ZMAT4: variants seen among roughly 807,000 people sequenced by gnomAD.
ZMAT4 encodes the protein zinc finger matrin-type protein 4.
A neutral mutation model predicts 28.7 loss-of-function variants in ZMAT4; 17 were observed. The ratio of observed to expected loss-of-function variants is 0.59; its 90% CI spans 0.41 to 0.89. ZMAT4 has a LOEUF of 0.89. Among genes scored for constraint, ZMAT4 ranks in the 40% least tolerant of loss-of-function variants. The pLI is 0.00. For synonymous variants in ZMAT4, 117 were observed against 109.2 expected, an observed-to-expected ratio of 1.07 and a Z score of -0.44; for missense variants, 240 against 283.8, an observed-to-expected ratio of 0.85 and a Z score of 1.11.
intron 5 of ZMAT4, among the ~76,000 whole-genome samples, chr8:40,630,081 G>A (rs1354166986): frequency 1.3e-5 from 2 of 152,104 alleles, no homozygotes; most frequent in African/African-American, 2.4e-5. Context: ...CACAGGGCAG[G>A]TTCTATATTA....
intron 6 of ZMAT4, among the ~76,000 whole-genome samples, chr8:40,559,502 A>C (rs144022067): frequency 4.9e-4 from 75 of 152,218 alleles, no homozygotes; most frequent in Non-Finnish European, 8.5e-4. Flanking sequence ...TACTTGGCCA[A>C]CTTGTTTAGC....
intron 1 of ZMAT4, among the ~76,000 whole-genome samples, chr8:40,842,613 A>G (rs1816741850): frequency 6.6e-6 from 1 of 152,122 alleles, no homozygotes; most frequent in South Asian, 2.1e-4. Flanking sequence ...TTTACAAGTC[A>G]TCCTCACCTG....
chr8:40,738,034 T>C (rs1811845606), intron 3 of ZMAT4, among the ~76,000 whole-genome samples: 1 of 151,936 alleles, frequency 6.6e-6, no homozygotes, highest in Non-Finnish European at 1.5e-5. Flanking sequence ...GAAGTCAGTA[T>C]TGGATGGGTT....
At chr8:40,613,198 T>TTTTTC (rs1805869611) in intron 5 of ZMAT4, among the ~76,000 whole-genome samples, 3 of 145,262 alleles carry the variant, frequency 2.1e-5, no homozygotes, top group African/African-American at 7.7e-5. Flanking sequence ...TTTTTTTTTT[T>TTTTTC]TTGAGATGGA....
intron 3 of ZMAT4, among the ~76,000 whole-genome samples, chr8:40,754,677 A>G (rs1812600141): frequency 6.6e-6 from 1 of 152,152 alleles, no homozygotes; most frequent in Non-Finnish European, 1.5e-5. Context: ...GTCCTAGAAG[A>G]CTCAGGAATT....
At chr8:40,533,536 A>G (rs1036969007) in intron 6 of ZMAT4, among the ~76,000 whole-genome samples, 3 of 152,332 alleles carry the variant, frequency 2.0e-5, no homozygotes, top group Non-Finnish European at 4.4e-5. Context: ...CAGTCTGGTA[A>G]ATGAAAATTC....
At chr8:40,674,966 G>A (rs767384279) in intron 4 of ZMAT4, 35 bp from the exon 5 acceptor site, 21 of 1,556,482 alleles carry the variant, frequency 1.3e-5, no homozygotes, top group Non-Finnish European at 1.6e-5. Flanking sequence ...CCACAGCCAC[G>A]TTAGTCCAAC....
At position 40,641,732 on chromosome 8, in the gene ZMAT4, G is replaced by C. The variant is rs532020878; in HGVS notation, c.577+32972C>G. The stretch of plus-strand genomic sequence containing the variant: ...ACTTAACATAAGATCTGCCTTCTTA[G>C]CAAATTTTTAAGTATACAATACAGT... On this transcript the variant is annotated intron_variant, in intron 5 of 6. Transcript: ENST00000297737. Among the ~76,000 whole-genome samples, 4 of 152,072 alleles carry C rather than the reference G, an allele frequency of 2.6e-5. No individual in the cohort carries two copies. In the South Asian group the frequency reaches 8.3e-4, roughly 32 times the overall value.
At chr8:40,852,269 A>G (rs1817137435) in intron 1 of ZMAT4, among the ~76,000 whole-genome samples, 1 of 152,140 alleles carries the variant, frequency 6.6e-6, no homozygotes, top group African/African-American at 2.4e-5. Flanking sequence ...TTTCTATGAT[A>G]TTAACTTTTG....
intron 1 of ZMAT4, among the ~76,000 whole-genome samples, chr8:40,893,471 G>A (rs1427803182): frequency 6.6e-6 from 1 of 152,202 alleles, no homozygotes; most frequent in African/African-American, 2.4e-5. Context: ...TCAAGTGCCA[G>A]AGCCCAGATA....
Position 40,697,408 on chromosome 8 carries a change from A to G in ZMAT4, c.193-7T>C, listed in dbSNP as rs1809938625. On this transcript the variant is annotated splice_polypyrimidine_tract_variant and splice_region_variant and intron_variant, in intron 3 of 6. Coordinates refer to ENST00000297737, the MANE Select transcript of ZMAT4 (RefSeq NM_024645.3). The stretch of plus-strand genomic sequence containing the variant: ...CCATGTCGGCATCACTTCCCTGCGC[A>G]GGGAGAAAGAAAGGCCACGTGTGAG... The G allele has an allele frequency of 6.4e-7, 1 of 1,563,736 alleles. No homozygotes were observed. Among genetic ancestry groups the G allele is most frequent in the Non-Finnish European group, 8.7e-7 (1 of 1,151,782 alleles).
At chr8:40,889,631 CTATT>C (rs2150670254) in intron 1 of ZMAT4, among the ~76,000 whole-genome samples, 1 of 152,230 alleles carries the variant, frequency 6.6e-6, no homozygotes, top group African/African-American at 2.4e-5. Flanking sequence ...CAATTATACT[CTATT>C]TACTTTTAAG....
chr8:40,674,456 G>T (rs1467436594), intron 5 of ZMAT4: 1 of 461,410 alleles, frequency 2.2e-6, no homozygotes, highest in Admixed American at 3.6e-5. Context: ...TCTGGTTCAT[G>T]AATGTGCCTT....
At chr8:40,666,442 A>C (rs1369493883) in intron 5 of ZMAT4, among the ~76,000 whole-genome samples, 2 of 152,170 alleles carry the variant, frequency 1.3e-5, no homozygotes, top group South Asian at 2.1e-4. Flanking sequence ...AATCTATAAA[A>C]ATAATTTTAT....
chr8:40,756,457 T>TATATAC (rs1278110013), intron 3 of ZMAT4, among the ~76,000 whole-genome samples: 65 of 113,296 alleles, frequency 5.7e-4, no homozygotes, highest in Admixed American at 1.4e-3. Context: ...TATATATATA[T>TATATAC]ACACACTTGT....
At position 40,730,349 on chromosome 8, in the gene ZMAT4, G is replaced by A. The variant is rs192098694; in HGVS notation, c.193-32948C>T. ...AGAACATGATAAAAATACATAACAG[G>A]AAAACTGTGATTGAAGATGAATTGA... is the stretch of plus-strand genomic sequence containing the variant. On this transcript the variant is annotated intron_variant, in intron 3 of 6. Coordinates refer to ENST00000297737, the MANE Select transcript of ZMAT4 (RefSeq NM_024645.3). Among the ~76,000 whole-genome samples the A allele has an allele frequency of 2.9e-3, 437 of 152,204 alleles. 3 individuals are homozygous for A. The highest frequency in any genetic ancestry group is 3.0e-3 in the Non-Finnish European group (207 of 68,006).
At chr8:40,747,550 A>G (rs1020606026) in intron 3 of ZMAT4, among the ~76,000 whole-genome samples, 2 of 151,256 alleles carry the variant, frequency 1.3e-5, no homozygotes, top group Non-Finnish European at 2.9e-5. Context: ...ATCATCAGCC[A>G]TGATAGCAGA....
At chr8:40,649,663 A>T (rs902295352) in intron 5 of ZMAT4, among the ~76,000 whole-genome samples, 4 of 152,014 alleles carry the variant, frequency 2.6e-5, no homozygotes, top group Non-Finnish European at 5.9e-5. Context: ...AAAATTGACC[A>T]CATACTTGGA....
chr8:40,874,307 TC>T (rs1817965196), intron 1 of ZMAT4, among the ~76,000 whole-genome samples: 1 of 152,218 alleles, frequency 6.6e-6, no homozygotes, highest in Non-Finnish European at 1.5e-5. Context: ...CACTGGGCAT[TC>T]TTTTGCAGAG....
Sources: gnomAD v4.1 joint callset for allele counts (sites outside exome capture counted in the v4.1 genomes callset) on GRCh38, gnomAD v4.1.1 for gene constraint, MANE v1.5 for transcripts, NCBI Gene and HGNC (gene_info 2026-07-23, HGNC 2026-07-21) for gene names.